Variants in CADM2 observed in about 807,000 individuals in gnomAD.
CADM2 encodes the protein immunoglobulin superfamily member 4D.
In CADM2, 12 loss-of-function variants were observed where a neutral mutation model predicts 49.8. The ratio of observed to expected loss-of-function variants is 0.24; its 90% confidence interval spans 0.15 to 0.39. The LOEUF (loss-of-function observed/expected upper bound fraction) is 0.39, where lower values mean the gene tolerates loss of function less well. Ranked by LOEUF, CADM2 falls within the 10% of genes least tolerant of loss-of-function variation. The pLI, the probability that CADM2 is intolerant of heterozygous loss-of-function variation, is 1.00. For missense variants in CADM2, 378 were observed against 492.3 expected, an observed-to-expected ratio of 0.77 and a Z score of 2.20; for synonymous variants, 214 against 175.4, an observed-to-expected ratio of 1.22 and a Z score of -1.74.
chr3:85,982,485 T>C lies in CADM2; in HGVS notation c.970+20838T>C, dbSNP rs1023311940. Among the ~76,000 whole-genome samples, 3 of 151,588 alleles carry C rather than the reference T, an allele frequency of 2.0e-5. 1 individual carries two copies. The highest frequency in any genetic ancestry group is 4.4e-5 in the Non-Finnish European group (3 of 67,748). On this transcript the variant is annotated intron_variant, in intron 8 of 9. Coordinates refer to ENST00000383699, the MANE Select transcript of CADM2 (RefSeq NM_001167675.2). ...GCTGGGAAGTTCATATTATCTATTT[T>C]AAAAGAAAAAAATAGTAGCATTGAA...
At chr3:85,058,598 C>T (rs2036183644) in intron 1 of CADM2, among the ~76,000 whole-genome samples, 1 of 152,048 alleles carries the variant, frequency 6.6e-6, no homozygotes. Flanking sequence ...GCATGAGCCA[C>T]CACACCTGGC....
intron 1 of CADM2, among the ~76,000 whole-genome samples, chr3:85,415,636 A>G (rs1048749131): frequency 1.3e-5 from 2 of 152,176 alleles, no homozygotes. Context: ...GCACTTTACA[A>G]GATTTTCCTA....
At chr3:85,082,357 G>A (rs537480772) in intron 1 of CADM2, among the ~76,000 whole-genome samples, 1 of 152,212 alleles carries the variant, frequency 6.6e-6, no homozygotes, top group East Asian at 1.9e-4. Flanking sequence ...TTTACAAAGA[G>A]CTTGAAAGAT....
chr3:85,628,568 C>CAT (rs2064196897), intron 1 of CADM2, among the ~76,000 whole-genome samples: 1 of 143,082 alleles, frequency 7.0e-6, no homozygotes. Context: ...CATATATATA[C>CAT]ATATATACAC....
chr3:85,083,618 A>G (rs1005018678), intron 1 of CADM2, among the ~76,000 whole-genome samples: 2 of 152,108 alleles, frequency 1.3e-5, no homozygotes, highest in African/African-American at 2.4e-5. Context: ...AGAATACCCT[A>G]TTGGTTGTCT....
chr3:85,576,020 T>C (rs1559921060), intron 1 of CADM2, among the ~76,000 whole-genome samples: 1 of 152,184 alleles, frequency 6.6e-6, no homozygotes, highest in Non-Finnish European at 1.5e-5. Context: ...TTGTGAATTT[T>C]AGCACAATCC....
intron 7 of CADM2, among the ~76,000 whole-genome samples, chr3:85,949,722 G>C (rs569051770): frequency 5.9e-4 from 89 of 151,018 alleles, no homozygotes; most frequent in African/African-American, 2.0e-3. Flanking sequence ...AAGATCACTG[G>C]TTTTAATATT....
At chr3:86,034,416 C>T (rs1322851847) in intron 8 of CADM2, among the ~76,000 whole-genome samples, 2 of 151,992 alleles carry the variant, frequency 1.3e-5, no homozygotes, top group African/African-American at 4.8e-5. Context: ...CCTTCCACGA[C>T]ATGAGGATAC....
At chr3:85,925,985 A>C (rs1719783904) in intron 6 of CADM2, among the ~76,000 whole-genome samples, 1 of 151,900 alleles carries the variant, frequency 6.6e-6, no homozygotes, top group African/African-American at 2.4e-5. Flanking sequence ...AAAATATAAA[A>C]AAATGACCGG....
At chr3:85,987,867 AT>A (rs1577873611) in intron 8 of CADM2, among the ~76,000 whole-genome samples, 1 of 152,126 alleles carries the variant, frequency 6.6e-6, no homozygotes, top group East Asian at 1.9e-4. Context: ...TTAAAAAAAA[AT>A]CATTAATAAA....
chr3:84,973,876 C>A (rs1430480977), intron 1 of CADM2, among the ~76,000 whole-genome samples: 3 of 152,050 alleles, frequency 2.0e-5, no homozygotes, highest in African/African-American at 7.2e-5. Context: ...TTGAAAGTGT[C>A]AGTTAAATGT....
At chr3:86,015,331 C>T (rs545345718) in intron 8 of CADM2, among the ~76,000 whole-genome samples, 7 of 152,110 alleles carry the variant, frequency 4.6e-5, no homozygotes, top group Non-Finnish European at 1.0e-4. Context: ...ATTGAAAGTG[C>T]CATGTTTCCT....
chr3:85,361,205 A>T (rs939665396), intron 1 of CADM2, among the ~76,000 whole-genome samples: 3 of 152,160 alleles, frequency 2.0e-5, no homozygotes, highest in African/African-American at 7.2e-5. Context: ...CAAGACTGCA[A>T]GCAGTTTAGC....
chr3:85,406,826 A>G (rs537414043), intron 1 of CADM2, among the ~76,000 whole-genome samples: 6 of 152,088 alleles, frequency 3.9e-5, no homozygotes, highest in African/African-American at 1.4e-4. Context: ...CTTACCTGTC[A>G]TACCACAGTA....
At chr3:85,082,508 CA>C (rs2037204446) in intron 1 of CADM2, among the ~76,000 whole-genome samples, 1 of 152,104 alleles carries the variant, frequency 6.6e-6, no homozygotes, top group South Asian at 2.1e-4. Flanking sequence ...TTGAAAAATG[CA>C]AAGCCCTTTG....
chr3:85,117,330 T>C (rs2038675387), intron 1 of CADM2, among the ~76,000 whole-genome samples: 1 of 152,114 alleles, frequency 6.6e-6, no homozygotes, highest in Admixed American at 6.5e-5. Context: ...GTAAAATATA[T>C]ATAAATAAAA....
At chr3:85,428,882 C>T (rs918957240) in intron 1 of CADM2, among the ~76,000 whole-genome samples, 4 of 151,606 alleles carry the variant, frequency 2.6e-5, no homozygotes, top group Admixed American at 1.3e-4. Context: ...GGAGTCACTA[C>T]GGAAACTTAA....
chr3:85,902,876 T>G (rs987479982), intron 5 of CADM2, among the ~76,000 whole-genome samples: 15 of 151,766 alleles, frequency 9.9e-5, no homozygotes, highest in African/African-American at 3.6e-4. Flanking sequence ...TTGTTAAACA[T>G]ATTACATTTT....
intron 1 of CADM2, among the ~76,000 whole-genome samples, chr3:85,622,902 G>A (rs1310137670): frequency 6.6e-6 from 1 of 152,098 alleles, no homozygotes; most frequent in African/African-American, 2.4e-5. Flanking sequence ...ACTCAAATGG[G>A]ATGGGCTTTA....
Sources: allele counts gnomAD v4.1 joint callset (sites outside exome capture counted in the v4.1 genomes callset), GRCh38; gene constraint gnomAD v4.1.1; transcripts MANE v1.5; gene names NCBI Gene and HGNC (gene_info 2026-07-23, HGNC 2026-07-21).